The following MYT1L variants were observed in gnomAD, a reference collection of about 807,000 sequenced individuals.
MYT1L encodes the protein myelin transcription factor 1 like.
Under a neutral mutation model 126.7 loss-of-function variants are expected in MYT1L, and 12 were observed. The observed-to-expected ratio is 0.09, with a 90% CI of 0.06 to 0.15. The LOEUF (loss-of-function observed/expected upper bound fraction) is 0.15. Among genes scored for constraint, MYT1L ranks in the 10% least tolerant of loss-of-function variants. MYT1L has a pLI of 1.00. For synonymous variants in MYT1L, 541 were observed against 604.2 expected, an observed-to-expected ratio of 0.90 and a Z score of 1.53; for missense variants, 979 against 1,585.2, an observed-to-expected ratio of 0.62 and a Z score of 6.49.
intron 2 of MYT1L, among the ~76,000 whole-genome samples, chr2:2,220,794 T>C (rs1490511956): frequency 6.6e-6 from 1 of 152,112 alleles, no homozygotes; most frequent in Non-Finnish European, 1.5e-5. Context: ...CTGATGAGAA[T>C]TTATGGTTTG....
intron 18 of MYT1L, among the ~76,000 whole-genome samples, chr2:1,874,592 G>C (rs1313814283): frequency 6.6e-6 from 1 of 152,186 alleles, no homozygotes; most frequent in African/African-American, 2.4e-5. Flanking sequence ...CAGCGGCTGG[G>C]CCGGATGTCC....
intron 3 of MYT1L, among the ~76,000 whole-genome samples, chr2:2,088,726 C>T (rs1008231955): frequency 1.3e-5 from 2 of 152,164 alleles, no homozygotes; most frequent in African/African-American, 2.4e-5. Flanking sequence ...CCCAAAGAGA[C>T]GCCATGCTTC....
chr2:2,317,605 A>AAAAAAT (rs1186517779), intron 1 of MYT1L, among the ~76,000 whole-genome samples: 29 of 152,232 alleles, frequency 1.9e-4, no homozygotes, highest in African/African-American at 6.8e-4. Context: ...TAAAAAAGAC[A>AAAAAAT]AAAAATAAAA....
chr2:2,293,129 T>G (rs1421063835), intron 1 of MYT1L, among the ~76,000 whole-genome samples: 1 of 152,152 alleles, frequency 6.6e-6, no homozygotes, highest in Non-Finnish European at 1.5e-5. Flanking sequence ...GCTTAGCAGC[T>G]CGGGGAAGTA....
In MYT1L at chr2:1,912,053, C is replaced by G; in HGVS notation, c.1676G>C (p.Gly559Ala). ...GGAGTTCCTGTTGCTGTTGACATGC[C>G]CGCGCCCCGTGCAGCCCGGAGTGGG... The part of the protein sequence containing the change: ...KCPTPGCTGR[G>A]HVNSNRNSHR... Residue 559 changes from glycine (G) to alanine (A), a missense_variant, in exon 12 of 25, where the codon GGG becomes GCG. Gly to Ala is a moderately conservative substitution (Grantham distance 60). Coordinates refer to ENST00000647738, the MANE Select transcript of MYT1L (RefSeq NM_001303052.2). This position sits in a 1 kb window ranked among gnomAD's most constrained non-coding sequence, Gnocchi z 4.3. The G allele has an allele frequency of 6.3e-7, 1 of 1,599,278 alleles. No homozygotes were observed. The highest frequency in any genetic ancestry group is 8.5e-7 in the Non-Finnish European group (1 of 1,170,090).
At chr2:2,042,967 C>T (rs1304906595) in intron 4 of MYT1L, among the ~76,000 whole-genome samples, 2 of 152,068 alleles carry the variant, frequency 1.3e-5, no homozygotes, top group Non-Finnish European at 2.9e-5. Context: ...AGCACTGCAC[C>T]GGGGGTGGCA....
At chr2:2,284,599 T>C (rs987944408) in intron 1 of MYT1L, 96 bp from the exon 2 acceptor site, 9 of 152,214 alleles carry the variant, frequency 5.9e-5, no homozygotes, top group African/African-American at 2.2e-4. Flanking sequence ...TCTTGAGCTA[T>C]TCTCATTAAA....
chr2:2,047,669 T>G (rs141975096), intron 4 of MYT1L, among the ~76,000 whole-genome samples: 27 of 152,332 alleles, frequency 1.8e-4, no homozygotes, highest in African/African-American at 6.3e-4. Context: ...TTAAGAAGGA[T>G]GATTGATCTA....
chr2:2,325,511 A>G (rs1573607077), intron 1 of MYT1L: 1 of 152,246 alleles, frequency 6.6e-6, no homozygotes, highest in East Asian at 1.9e-4. Context: ...AAGGGAACAT[A>G]GATACCTGAT....
In MYT1L at chr2:1,922,301, G is replaced by A. The variant is rs756143337; in HGVS notation, c.1468C>T (p.Pro490Ser). ...PKSSDSHVKK[P>S]YYGKDPSRTE... The stretch of plus-strand genomic sequence containing the variant: ...GAAATATTACCTTTACCATAGTATG[G>A]CTTTTTGACATGGCTGTCACTGGAT... The change falls in exon 10 of 25, where the codon CCA becomes TCA. Residue 490 changes from proline (P) to serine (S), a missense_variant. By Grantham distance (74) the Pro-to-Ser change is moderately conservative (BLOSUM62 -1). Coordinates refer to ENST00000647738, the MANE Select transcript of MYT1L (RefSeq NM_001303052.2). This position sits in a 1 kb window ranked among gnomAD's most constrained non-coding sequence, Gnocchi z 7.4. 1.1e-4 allele frequency: 174 copies of A among 1,613,576 alleles called. No individual in the cohort carries two copies. Among genetic ancestry groups the A allele is most frequent in the Non-Finnish European group, 1.4e-4 (166 of 1,179,736 alleles).
intron 5 of MYT1L, among the ~76,000 whole-genome samples, chr2:1,996,855 T>TTAC (rs2061915096): frequency 7.1e-6 from 1 of 141,778 alleles, no homozygotes; most frequent in African/African-American, 2.7e-5. Context: ...CGCCTTTACC[T>TTAC]AGTGAGTGAG....
At position 1,910,479 on chromosome 2, in the gene MYT1L, G is replaced by A; in HGVS notation, c.1710-132C>T. On this transcript the variant is annotated intron_variant, in intron 12 of 24. Coordinates refer to ENST00000647738, the MANE Select transcript of MYT1L (RefSeq NM_001303052.2). The surrounding 1 kb of genome is among the most constrained non-coding windows in gnomAD (Gnocchi z 4.8). Reference sequence around the variant, plus strand: ...GGGGTAGTTTCCCAAACCTGGCACAGGCAGTCCTGATGGGTGGACTGGGAG... The same window carrying A: ...GGGGTAGTTTCCCAAACCTGGCACAAGCAGTCCTGATGGGTGGACTGGGAG... The A allele has an allele frequency of 5.3e-6, 4 of 748,218 alleles. No homozygotes were observed. The highest frequency in any genetic ancestry group is 6.8e-6 in the Non-Finnish European group (3 of 442,574). The allele number at this position is 748,218 out of a possible 1,614,324, so 46.3% of individuals were successfully genotyped here.
At chr2:2,222,363 G>A (rs1358413811) in intron 2 of MYT1L, among the ~76,000 whole-genome samples, 1 of 151,920 alleles carries the variant, frequency 6.6e-6, no homozygotes, top group Non-Finnish European at 1.5e-5. Context: ...GTGGTGGAGG[G>A]CACCCGTGAT....
At chr2:2,048,218 C>T (rs1043101730) in intron 4 of MYT1L, among the ~76,000 whole-genome samples, 1 of 152,136 alleles carries the variant, frequency 6.6e-6, no homozygotes, top group Admixed American at 6.5e-5. Flanking sequence ...CACGGTCTTC[C>T]AATCCCTTCT....
chr2:2,063,972 C>T (rs983767294), intron 3 of MYT1L, among the ~76,000 whole-genome samples: 6 of 152,116 alleles, frequency 3.9e-5, no homozygotes, highest in Admixed American at 2.0e-4. Flanking sequence ...GCCATGAGAT[C>T]GGACACATAA....
intron 2 of MYT1L, among the ~76,000 whole-genome samples, chr2:2,180,662 CTG>C (rs1384393960): frequency 8.0e-5 from 12 of 150,392 alleles, no homozygotes; most frequent in Admixed American, 2.0e-4. Context: ...CTGTGTATGC[CTG>C]TGTGTGCACC....
At chr2:2,180,684 T>C (rs1477234939) in intron 2 of MYT1L, among the ~76,000 whole-genome samples, 4 of 143,948 alleles carry the variant, frequency 2.8e-5, no homozygotes, top group Non-Finnish European at 6.1e-5. Context: ...CTGTGTGTTT[T>C]TGTATGTACC....
chr2:2,164,012 A>G (rs1404025762), intron 3 of MYT1L, among the ~76,000 whole-genome samples: 2 of 152,134 alleles, frequency 1.3e-5, no homozygotes, highest in Non-Finnish European at 2.9e-5. Context: ...CATCCCCTAC[A>G]GCAATACACA....
At chr2:2,052,863 G>C (rs2069005562) in intron 4 of MYT1L, among the ~76,000 whole-genome samples, 2 of 152,180 alleles carry the variant, frequency 1.3e-5, no homozygotes, top group Non-Finnish European at 2.9e-5. Flanking sequence ...AGCCACTATT[G>C]AAAAGAGTGG....
Sources: allele counts gnomAD v4.1 joint callset (sites outside exome capture counted in the v4.1 genomes callset), GRCh38; gene constraint gnomAD v4.1.1; non-coding constraint Gnocchi (gnomAD v3.1); transcripts MANE v1.5; gene names NCBI Gene and HGNC (gene_info 2026-07-23, HGNC 2026-07-21).